Variants in IL1R1 observed in about 807,000 individuals in gnomAD.
IL1R1 encodes interleukin 1 receptor type 1.
In IL1R1, 22 loss-of-function variants were observed where a neutral mutation model predicts 50.2. The ratio of observed to expected loss-of-function variants is 0.44; its 90% CI spans 0.31 to 0.63. The LOEUF (loss-of-function observed/expected upper bound fraction) is 0.63. Among genes scored for constraint, IL1R1 ranks in the 20% least tolerant of loss-of-function variants. The pLI, the probability that IL1R1 is intolerant of heterozygous loss-of-function variation, is 0.07. For missense variants in IL1R1, 509 were observed against 676.2 expected (o/e 0.75, Z 2.74); for synonymous variants, 251 against 236.7 (o/e 1.06, Z -0.55).
intron 1 of IL1R1, among the ~76,000 whole-genome samples, chr2:102,095,877 C>G (rs112995333): frequency 6.6e-6 from 1 of 151,858 alleles, no homozygotes; most frequent in African/African-American, 2.4e-5. Flanking sequence ...GTGGTACGTG[C>G]CTGTAATCCC....
At chr2:102,105,509 C>T (rs1211461928) in intron 1 of IL1R1, among the ~76,000 whole-genome samples, 1 of 152,080 alleles carries the variant, frequency 6.6e-6, no homozygotes, top group African/African-American at 2.4e-5. Flanking sequence ...GGACTATAGG[C>T]GCCTGCCACC....
At chr2:102,078,602 GAA>G (rs1048060015) in intron 1 of IL1R1, among the ~76,000 whole-genome samples, 1 of 78,510 alleles carries the variant, frequency 1.3e-5, no homozygotes, top group Non-Finnish European at 2.7e-5. Context: ...ACACACACAA[GAA>G]AAAAAAAAGG....
At chr2:102,077,790 A>G (rs930781791) in intron 1 of IL1R1, among the ~76,000 whole-genome samples, 3 of 152,218 alleles carry the variant, frequency 2.0e-5, no homozygotes, top group African/African-American at 7.2e-5. Flanking sequence ...CTGCATGTGG[A>G]CTATTTTCCA....
At chr2:102,092,781 G>C (rs941567233) in intron 1 of IL1R1, among the ~76,000 whole-genome samples, 1 of 152,174 alleles carries the variant, frequency 6.6e-6, no homozygotes, top group Non-Finnish European at 1.5e-5. Context: ...AAGAAAGGAT[G>C]GGGGTGGAGC....
chr2:102,159,643 A>T (rs1026458238), intron 3 of IL1R1, among the ~76,000 whole-genome samples: 1 of 152,134 alleles, frequency 6.6e-6, no homozygotes, highest in Non-Finnish European at 1.5e-5. Flanking sequence ...CGCCTTGGGG[A>T]TAGTGCTTTT....
upstream of IL1R1, among the ~76,000 whole-genome samples, chr2:102,141,519 G>T (rs917637617): frequency 6.6e-6 from 1 of 152,210 alleles, no homozygotes; most frequent in African/African-American, 2.4e-5. Flanking sequence ...TTAAGAATGA[G>T]AAATTGTCAT....
In IL1R1 at chr2:102,083,552, C is replaced by G. The variant is rs78108875; in HGVS notation, c.-84+13019C>G. 7.8e-3 allele frequency among the ~76,000 whole-genome samples: 1,188 copies of G among 152,314 alleles called. 14 individuals are homozygous for G. The highest frequency in any genetic ancestry group is 0.028 in the African/African-American group (1,153 of 41,560). On this transcript the variant is annotated intron_variant, in intron 1 of 11. Transcript: ENST00000409929. ...TCTTCCATCCTTGGGTCCCTCTGTT[C>G]TGACACCTGATGACACACTTAGGAG...
chr2:102,171,483 A>G (rs1041509648), intron 7 of IL1R1, among the ~76,000 whole-genome samples: 1 of 152,216 alleles, frequency 6.6e-6, no homozygotes, highest in Non-Finnish European at 1.5e-5. Flanking sequence ...GTGTATATGT[A>G]TTATGGAATG....
chr2:102,128,353 T>C (rs1681839834), intron 1 of IL1R1, among the ~76,000 whole-genome samples: 1 of 152,200 alleles, frequency 6.6e-6, no homozygotes, highest in Non-Finnish European at 1.5e-5. Flanking sequence ...TCTCAATACC[T>C]CTATGGTATT....
intron 1 of IL1R1, among the ~76,000 whole-genome samples, chr2:102,126,821 G>A (rs1323804648): frequency 1.3e-5 from 2 of 152,194 alleles, no homozygotes; most frequent in Non-Finnish European, 2.9e-5. Flanking sequence ...CTAGGCATGG[G>A]AACCACGGAT....
intron 1 of IL1R1, among the ~76,000 whole-genome samples, chr2:102,094,228 C>A (rs897455008): frequency 6.6e-6 from 1 of 152,112 alleles, no homozygotes; most frequent in Admixed American, 6.5e-5. Flanking sequence ...CTGGTGAAAA[C>A]GTGAAATTGT....
chr2:102,093,534 C>T (rs1217892713), intron 1 of IL1R1, among the ~76,000 whole-genome samples: 1 of 152,156 alleles, frequency 6.6e-6, no homozygotes, highest in Non-Finnish European at 1.5e-5. Context: ...AATAGCCATC[C>T]TAAGAGGTAT....
intron 9 of IL1R1, among the ~76,000 whole-genome samples, chr2:102,174,246 T>C (rs1685920351): frequency 6.6e-6 from 1 of 152,204 alleles, no homozygotes; most frequent in African/African-American, 2.4e-5. Context: ...CCCAATGGAC[T>C]CTCTGACCTC....
In IL1R1 at chr2:102,175,465, GTTTTTCCTTTAGCTT is replaced by G; in HGVS notation, c.1136-12_1138del. The G allele has an allele frequency of 6.2e-7, 1 of 1,608,442 alleles. No individual in the cohort carries two copies. Among genetic ancestry groups the G allele is most frequent in the Middle Eastern group, 1.7e-4 (1 of 6,048 alleles). On this transcript the variant is annotated splice_acceptor_variant and splice_polypyrimidine_tract_variant and coding_sequence_variant and intron_variant, in exon 11 of 12. Transcript: ENST00000410023. LOFTEE classifies it high-confidence loss of function. ...TGCCTTGTGGTTCTAAATACATTAT[GTTTTTCCTTTAGCTT>G]CAGATGGAAAGACCTATGACGCATA...
intron 1 of IL1R1, among the ~76,000 whole-genome samples, chr2:102,135,502 A>C (rs1290107358): frequency 6.6e-6 from 1 of 152,236 alleles, no homozygotes; most frequent in Non-Finnish European, 1.5e-5. Flanking sequence ...TAACAATTAT[A>C]ATGTTATTCA....
chr2:102,122,612 A>G (rs1681464614), intron 1 of IL1R1, among the ~76,000 whole-genome samples: 1 of 152,184 alleles, frequency 6.6e-6, no homozygotes, highest in Non-Finnish European at 1.5e-5. Context: ...ATTGTAGTTA[A>G]TATTCAGAAG....
intron 1 of IL1R1, among the ~76,000 whole-genome samples, chr2:102,121,950 TC>T (rs989717037): frequency 2.0e-5 from 3 of 152,150 alleles, no homozygotes; most frequent in African/African-American, 7.2e-5. Flanking sequence ...TAGATGCCTC[TC>T]CTTTAAAAAT....
intron 1 of IL1R1, among the ~76,000 whole-genome samples, chr2:102,071,916 C>T (rs1337337722): frequency 2.6e-5 from 4 of 152,102 alleles, no homozygotes; most frequent in African/African-American, 7.2e-5. Context: ...CCACAATGGG[C>T]CCTTAGAATT....
intron 1 of IL1R1, among the ~76,000 whole-genome samples, chr2:102,132,780 A>G (rs4851544): frequency 0.37 from 55,797 of 151,950 alleles, 11,655 homozygotes; most frequent in East Asian, 0.49. Context: ...ATACTACACC[A>G]CAAATAGTAA....
Sources: gnomAD v4.1 joint callset for allele counts (sites outside exome capture counted in the v4.1 genomes callset) on GRCh38, gnomAD v4.1.1 for gene constraint, MANE v1.5 for transcripts, NCBI Gene and HGNC (gene_info 2026-07-23, HGNC 2026-07-21) for gene names.